The following SMIM14 variants were observed in gnomAD, a reference collection of about 807,000 sequenced individuals.
SMIM14 encodes the protein small integral membrane protein 14.
SMIM14 carries 5 observed loss-of-function variants against 12.6 expected under a neutral mutation model. That is an observed-to-expected ratio of 0.40 (90% CI 0.21 to 0.83). The LOEUF (loss-of-function observed/expected upper bound fraction) is 0.83. Ranked by LOEUF, SMIM14 falls within the 40% of genes least tolerant of loss-of-function variation. The pLI is 0.37. For missense variants in SMIM14, 86 were observed against 119.1 expected, an observed-to-expected ratio of 0.72 and a Z score of 1.29; for synonymous variants, 30 against 40.1, an observed-to-expected ratio of 0.75 and a Z score of 0.95.
intron 4 of SMIM14, among the ~76,000 whole-genome samples, chr4:39,554,524 C>T (rs1156780224): frequency 6.6e-6 from 1 of 151,822 alleles, no homozygotes; most frequent in Non-Finnish European, 1.5e-5. Context: ...AGGAGAATCA[C>T]TTGAACCTGG....
At chr4:39,581,283 A>C (rs902742954) in intron 2 of SMIM14, among the ~76,000 whole-genome samples, 1 of 152,102 alleles carries the variant, frequency 6.6e-6, no homozygotes, top group African/African-American at 2.4e-5. Context: ...TCAAATGTTT[A>C]AGTTCCTTCT....
chr4:39,627,504 A>G (rs867913746), intron 1 of SMIM14, among the ~76,000 whole-genome samples: 5 of 130,794 alleles, frequency 3.8e-5, no homozygotes, highest in Admixed American at 7.2e-5. Flanking sequence ...CTATAAAACA[A>G]GAGTGATAAT....
rs961928483 is a variant in SMIM14 at position 39,549,568 on chromosome 4, C to T, written c.*2558G>A. 6.6e-6 allele frequency: 1 copy of T among 152,192 alleles called. No homozygotes were observed. The highest frequency in any genetic ancestry group is 1.5e-5 in the Non-Finnish European group (1 of 68,062). The allele number at this position is 152,192 out of a possible 1,614,324, so 9.4% of individuals were successfully genotyped here. ...GGATTACAGGCATGAGTCACTGCGC[C>T]CAGCTCCCAAAGCCAATTTTCAATT... On this transcript the variant is annotated 3_prime_UTR_variant, in exon 5 of 5. Coordinates refer to ENST00000295958, the MANE Select transcript of SMIM14 (RefSeq NM_174921.3).
chr4:39,557,734 C>T (rs1053483342), intron 3 of SMIM14, among the ~76,000 whole-genome samples: 1 of 152,048 alleles, frequency 6.6e-6, no homozygotes, highest in African/African-American at 2.4e-5. Context: ...CACAAAGCCA[C>T]GAATCCATAT....
chr4:39,553,698 A>G (rs1048426661), intron 4 of SMIM14, among the ~76,000 whole-genome samples: 2 of 151,700 alleles, frequency 1.3e-5, no homozygotes, highest in Admixed American at 6.6e-5. Context: ...GGTTCAAGCA[A>G]TTCTCCTGCC....
At chr4:39,625,883 AACT>A (rs1239358259) in intron 1 of SMIM14, among the ~76,000 whole-genome samples, 3 of 152,266 alleles carry the variant, frequency 2.0e-5, no homozygotes, top group Non-Finnish European at 4.4e-5. Context: ...ATACAGAAGC[AACT>A]ACGTCAGCAT....
intron 2 of SMIM14, among the ~76,000 whole-genome samples, chr4:39,603,948 T>C (rs1578350385): frequency 6.7e-6 from 1 of 150,226 alleles, no homozygotes; most frequent in Non-Finnish European, 1.5e-5. Flanking sequence ...GAGGTGGAGG[T>C]TGCAGTGAGC....
chr4:39,564,420 G>A (rs749820164), intron 3 of SMIM14, among the ~76,000 whole-genome samples: 8 of 152,144 alleles, frequency 5.3e-5, no homozygotes, highest in Non-Finnish European at 1.0e-4. Flanking sequence ...CTTTTTGAGA[G>A]CTGACATCAT....
intron 2 of SMIM14, among the ~76,000 whole-genome samples, chr4:39,585,422 G>A (rs1713736189): frequency 1.3e-5 from 2 of 151,880 alleles, no homozygotes; most frequent in South Asian, 4.2e-4. Context: ...TCAGCCTCCT[G>A]AGTAGCTGGG....
At chr4:39,605,811 G>T (rs1258917495) in intron 1 of SMIM14, among the ~76,000 whole-genome samples, 1 of 152,190 alleles carries the variant, frequency 6.6e-6, no homozygotes, top group African/African-American at 2.4e-5. Flanking sequence ...TACGATCTCA[G>T]CTCACTGCAA....
At chr4:39,635,329 C>T (rs1716050503) in intron 1 of SMIM14, among the ~76,000 whole-genome samples, 1 of 152,182 alleles carries the variant, frequency 6.6e-6, no homozygotes, top group South Asian at 2.1e-4. Flanking sequence ...AGTGCTGAAA[C>T]ATGTAGCACC....
At chr4:39,616,641 TAAAAA>T in intron 1 of SMIM14, among the ~76,000 whole-genome samples, 1 of 137,266 alleles carries the variant, frequency 7.3e-6, no homozygotes, top group South Asian at 2.3e-4. Context: ...TCCTTACATT[TAAAAA>T]AAAAAAAAAA....
At chr4:39,561,947 C>T (rs1198797569) in intron 3 of SMIM14, among the ~76,000 whole-genome samples, 1 of 151,342 alleles carries the variant, frequency 6.6e-6, no homozygotes, top group African/African-American at 2.4e-5. Context: ...ACAACAACAA[C>T]CAAATAGTAA....
chr4:39,597,046 G>T (rs1375285207), intron 2 of SMIM14, among the ~76,000 whole-genome samples: 2 of 150,752 alleles, frequency 1.3e-5, no homozygotes, highest in Non-Finnish European at 2.9e-5. Flanking sequence ...AAAGTGCTGG[G>T]ATTACAGGGA....
At chr4:39,605,049 G>A (rs1200868648) in intron 2 of SMIM14, 22 bp downstream of exon 2, 1 of 1,436,530 alleles carries the variant, frequency 7.0e-7, no homozygotes, top group African/African-American at 1.4e-5. Flanking sequence ...GTTCAGAATA[G>A]GATTGTCCTG....
chr4:39,591,144 T>C (rs1714057883), intron 2 of SMIM14, among the ~76,000 whole-genome samples: 1 of 152,138 alleles, frequency 6.6e-6, no homozygotes, highest in East Asian at 1.9e-4. Flanking sequence ...CTTATAATAC[T>C]TAATACAATG....
intron 2 of SMIM14, among the ~76,000 whole-genome samples, chr4:39,601,495 A>C (rs1714609626): frequency 6.6e-6 from 1 of 152,256 alleles, no homozygotes; most frequent in Admixed American, 6.5e-5. Context: ...TCCTAAGCAC[A>C]CAGGGATTTA....
chr4:39,572,212 A>G (rs574709871), intron 3 of SMIM14, among the ~76,000 whole-genome samples: 2 of 151,030 alleles, frequency 1.3e-5, no homozygotes, highest in East Asian at 3.9e-4. Flanking sequence ...CAAATACATT[A>G]CTGAGAACCA....
intron 2 of SMIM14, among the ~76,000 whole-genome samples, chr4:39,597,084 C>CTTTTTTTTTTTTTTTTTTT (rs1436675514): frequency 7.5e-6 from 1 of 133,258 alleles, no homozygotes; most frequent in Non-Finnish European, 1.6e-5. Flanking sequence ...CCCAGGTTTC[C>CTTTTTTTTTTTTTTTTTTT]CTTTTTTTTT....
Sources: gnomAD v4.1 joint callset for allele counts (sites outside exome capture counted in the v4.1 genomes callset) on GRCh38, gnomAD v4.1.1 for gene constraint, MANE v1.5 for transcripts, NCBI Gene and HGNC (gene_info 2026-07-23, HGNC 2026-07-21) for gene names.